The following COQ6 variants were observed in gnomAD, a reference collection of about 807,000 sequenced individuals.
COQ6 encodes coenzyme Q6, monooxygenase, also known as ubiquinone biosynthesis monooxygenase COQ6, mitochondrial.
A neutral mutation model predicts 55.5 loss-of-function variants in COQ6; 45 were observed. That is an observed-to-expected ratio of 0.81 (90% CI 0.64 to 1.04). The LOEUF is 1.04. COQ6 is among the 50% of genes least tolerant of loss of function. COQ6 has a pLI of 0.00. For synonymous variants in COQ6, 206 were observed against 230.5 expected (o/e 0.89, Z 0.96); for missense variants, 550 against 601.3 (o/e 0.91, Z 0.89).
At chr14:73,954,949 A>ATTTTT (rs1446614095) in intron 2 of COQ6, among the ~76,000 whole-genome samples, 1 of 91,730 alleles carries the variant, frequency 1.1e-5, no homozygotes, top group African/African-American at 4.4e-5. Flanking sequence ...TTTTTTTTTT[A>ATTTTT]TTTTATTTTT....
intron 8 of COQ6, chr14:73,960,957 G>A: frequency 1.5e-6 from 1 of 647,990 alleles, no homozygotes; most frequent in East Asian, 2.8e-5. Flanking sequence ...AGTAGGCAGG[G>A]GCCAGCTCAT....
chr14:73,952,995 A>G (rs1053129326), intron 1 of COQ6, among the ~76,000 whole-genome samples: 2 of 152,092 alleles, frequency 1.3e-5, no homozygotes, highest in African/African-American at 4.8e-5. Context: ...CTAATTCTTT[A>G]TTCTTGGTTT....
At chr14:73,956,487 G>A (rs2140384896) in intron 4 of COQ6, 1 of 155,144 alleles carries the variant, frequency 6.4e-6, no homozygotes, top group South Asian at 2.0e-4. Context: ...AGTCTATAAG[G>A]GTTCCAGTTT....
At position 73,954,936 on chromosome 14, in the gene COQ6, C is replaced by CTTTT. The variant is rs35787543; in HGVS notation, c.299-506_299-503dup. Among the ~76,000 whole-genome samples, 22 of 126,180 alleles carry CTTTT rather than the reference C, an allele frequency of 1.7e-4. 1 individual carries two copies. Among genetic ancestry groups the CTTTT allele is most frequent in the African/African-American group, 5.6e-4 (19 of 34,024 alleles). 82.8% of individuals were successfully genotyped at this position (126,180 alleles called of 152,430 possible). Reference sequence around the variant, plus strand: ...GACCTTTTGATCATGGAAGCTGAGTCTTTTTTTTTTTTATTTTATTTTTTT... The same window carrying CTTTT: ...GACCTTTTGATCATGGAAGCTGAGTCTTTTTTTTTTTTTTTTATTTTATTTTTTT... On this transcript the variant is annotated intron_variant, in intron 2 of 11. Coordinates refer to ENST00000334571, the MANE Select transcript of COQ6 (RefSeq NM_182476.3).
chr14:73,950,069 G>A (rs369346359), upstream of COQ6: 7 of 1,605,962 alleles, frequency 4.4e-6, no homozygotes, highest in Non-Finnish European at 5.1e-6. Flanking sequence ...AGCGATAGTG[G>A]CAGCAGCGGT....
Position 73,959,013 on chromosome 14 carries a change from G to A in COQ6, c.655G>A (p.Gly219Arg), listed in dbSNP as rs1266251017. 3 of 1,614,140 alleles carry A rather than the reference G, an allele frequency of 1.9e-6. No individual in the cohort carries two copies. Among genetic ancestry groups the A allele is most frequent in the Admixed American group, 3.3e-5 (2 of 60,020 alleles). The change falls in exon 6 of 12, where the codon GGA becomes AGA. Residue 219 changes from glycine to arginine, a missense_variant. Transcript: ENST00000334571. ...CAACTCCGGAGTACGGCAGGCTGTT[G>A]GAATCCAGAATGTGAGCTGGAACTA... ...GHNSGVRQAV[G>R]IQNVSWNYDQ...
At position 73,960,071 on chromosome 14, in the gene COQ6, T is replaced by C. The variant is rs1425004029; in HGVS notation, c.891+549T>C. ...ACAGCTGCCTGGGTGGTGGTTAGCATTGGCCTTTTTTTGAAGCTGTAACAC... is the reference window on the plus strand; with the variant it reads ...ACAGCTGCCTGGGTGGTGGTTAGCACTGGCCTTTTTTTGAAGCTGTAACAC... On this transcript the variant is annotated intron_variant, in intron 8 of 11. Transcript: ENST00000334571. 5 of 1,002,420 alleles carry C rather than the reference T, an allele frequency of 5.0e-6. No homozygotes were observed. The African/African-American group carries it at 7.0e-5, about 14-fold the overall frequency. The allele number at this position is 1,002,420 out of a possible 1,614,324, so 62.1% of individuals were successfully genotyped here. A position where few individuals can be genotyped will look rare whatever the true frequency, so the allele number is the denominator to read the frequency against.
intron 2 of COQ6, among the ~76,000 whole-genome samples, chr14:73,954,162 T>A (rs1309497522): frequency 1.3e-5 from 2 of 152,256 alleles, no homozygotes; most frequent in East Asian, 3.8e-4. Flanking sequence ...TTTTTTATTG[T>A]CCATCTCTCC....
At position 73,959,427 on chromosome 14, in the gene COQ6, T is replaced by A; in HGVS notation, c.796T>A (p.Leu266Met). The A allele has an allele frequency of 6.2e-7, 1 of 1,614,220 alleles. No individual in the cohort carries two copies. Among genetic ancestry groups the A allele is most frequent in the Non-Finnish European group, 8.5e-7 (1 of 1,180,036 alleles). Residue 266 changes from leucine to methionine, a missense_variant, in exon 8 of 12, where the codon TTG (leucine) becomes ATG (methionine). Physicochemically the swap from Leu to Met is conservative, Grantham distance 15 (BLOSUM62 2). Coordinates refer to ENST00000334571, the MANE Select transcript of COQ6 (RefSeq NM_182476.3). Reference protein sequence around the residue: ...PIALLPLSDTLSSLVWSTSHE... With the variant: ...PIALLPLSDTMSSLVWSTSHE... ...TCTTTTGACACAGCTCTCAGACACCTTGAGTTCCTTGGTTTGGTCCACGTC... is the reference window on the plus strand; with the variant it reads ...TCTTTTGACACAGCTCTCAGACACCATGAGTTCCTTGGTTTGGTCCACGTC...
chr14:73,952,114 CTTTTTT>C (rs869273031), intron 1 of COQ6, among the ~76,000 whole-genome samples: 16 of 73,784 alleles, frequency 2.2e-4, no homozygotes, highest in East Asian at 9.0e-4. Context: ...CTGGAGCTAA[CTTTTTT>C]TTTTTTTTTT....
chr14:73,956,558 G>C (rs2056447332), intron 4 of COQ6: 1 of 153,328 alleles, frequency 6.5e-6, no homozygotes, highest in South Asian at 2.0e-4. Flanking sequence ...CCATCCTGTT[G>C]AGAGTGAAGT....
In COQ6 at chr14:73,958,976, T is replaced by G; in HGVS notation, c.618T>G (p.Gly206=). The G allele has an allele frequency of 6.2e-7, 1 of 1,613,772 alleles. No homozygotes were observed. ...AGGCTCATGTGTCCATGCAGATAGG[T>G]GCAGATGGTCACAACTCCGGAGTAC... is the stretch of plus-strand genomic sequence containing the variant. The part of the protein sequence containing the change: ...GSTFQTKLLI[G]ADGHNSGVRQ... The change falls in exon 6 of 12, where the codon GGT becomes GGG. Residue 206 remains glycine, a synonymous_variant. Coordinates refer to ENST00000334571, the MANE Select transcript of COQ6 (RefSeq NM_182476.3).
chr14:73,955,815 C>T lies in COQ6; in HGVS notation c.368C>T (p.Ala123Val). The change falls in exon 4 of 12, where the codon GCC becomes GTC. Residue 123 changes from alanine to valine, a missense_variant. Transcript: ENST00000334571. ...CTTTTGTGTTTCCAGGTGTGGGACG[C>T]CTGCTCAGAGGCCCTGATAATGTTT... ...RAFRRMQVWD[A>V]CSEALIMFDK... The T allele has an allele frequency of 6.2e-7, 1 of 1,614,128 alleles. No homozygotes were observed. The highest frequency in any genetic ancestry group is 8.5e-7 in the Non-Finnish European group (1 of 1,180,014).
At chr14:73,950,866 C>T (rs2056163397) in intron 1 of COQ6, among the ~76,000 whole-genome samples, 1 of 152,190 alleles carries the variant, frequency 6.6e-6, no homozygotes, top group South Asian at 2.1e-4. Context: ...TTGTATTTCC[C>T]TAATGATTAA....
chr14:73,959,825 C>T, intron 8 of COQ6: 6 of 1,305,552 alleles, frequency 4.6e-6, no homozygotes, highest in Non-Finnish European at 5.9e-6. Flanking sequence ...CTGCCTTGGC[C>T]TCCCAAAGTG....
intron 1 of COQ6, among the ~76,000 whole-genome samples, chr14:73,952,114 CTTTTTTTTTTTTT>C (rs869273031): frequency 4.1e-5 from 3 of 73,728 alleles, no homozygotes; most frequent in Non-Finnish European, 7.8e-5. Flanking sequence ...CTGGAGCTAA[CTTTTTTTTTTTTT>C]TTTTTTTTTT....
intron 2 of COQ6, among the ~76,000 whole-genome samples, chr14:73,954,238 G>C (rs1052732873): frequency 6.6e-6 from 1 of 152,182 alleles, no homozygotes; most frequent in Non-Finnish European, 1.5e-5. Context: ...ACTGTATTTG[G>C]CACATAGTCG....
At position 73,961,478 on chromosome 14, in the gene COQ6, C is replaced by G. The variant is rs199869505; in HGVS notation, c.1118C>G (p.Pro373Arg). ...LIGDAAHRVH[P>R]LAGQGVNMGF... is the part of the protein sequence containing the mutation. ...AGGGATGCAGCCCACAGAGTCCATC[C>G]GCTTGCAGGACAGGGTGTCAACATG... is the stretch of plus-strand genomic sequence containing the variant. Residue 373 changes from proline to arginine, a missense_variant, in exon 10 of 12, where the codon CCG becomes CGG. Pro to Arg is a moderately radical substitution (Grantham distance 103). Transcript: ENST00000334571. 6 of 1,614,192 alleles carry G rather than the reference C, an allele frequency of 3.7e-6. No homozygotes were observed. The highest frequency in any genetic ancestry group is 5.1e-6 in the Non-Finnish European group (6 of 1,180,042).
intron 8 of COQ6, chr14:73,960,225 A>G: frequency 1.0e-6 from 1 of 987,270 alleles, no homozygotes; most frequent in Non-Finnish European, 1.2e-6. Context: ...CTTAGTAGAT[A>G]GATGTGGGTT....
Sources: allele counts gnomAD v4.1 joint callset (sites outside exome capture counted in the v4.1 genomes callset), GRCh38; gene constraint gnomAD v4.1.1; transcripts MANE v1.5; gene names NCBI Gene and HGNC (gene_info 2026-07-23, HGNC 2026-07-21).